SNTG1: variants seen among roughly 807,000 people sequenced by gnomAD.
SNTG1 encodes the protein gamma-1-syntrophin.
A neutral mutation model predicts 74.7 loss-of-function variants in SNTG1; 39 were observed. The observed-to-expected ratio is 0.52, with a 90% CI of 0.40 to 0.68. The LOEUF is 0.68. Among genes scored for constraint, SNTG1 ranks in the 30% least tolerant of loss-of-function variants. SNTG1 has a pLI of 0.00. For synonymous variants in SNTG1, 254 were observed against 217.1 expected (o/e 1.17, Z -1.49); for missense variants, 685 against 609.5 (o/e 1.12, Z -1.30).
At chr8:50,612,001 A>G (rs1255923704) in intron 13 of SNTG1, among the ~76,000 whole-genome samples, 3 of 152,106 alleles carry the variant, frequency 2.0e-5, no homozygotes, top group African/African-American at 7.2e-5. Context: ...CAAACGGTTC[A>G]TCTGCCTCGG....
rs183112063 is a variant in SNTG1, at chr8:49,967,716, A to G, written c.-103+55485A>G. 5.1e-3 allele frequency among the ~76,000 whole-genome samples: 771 copies of G among 152,324 alleles called. 14 individuals are homozygous for G. The highest frequency in any genetic ancestry group is 0.018 in the African/African-American group (744 of 41,576). On this transcript the variant is annotated intron_variant, in intron 1 of 18. Coordinates refer to ENST00000642720, the MANE Select transcript of SNTG1 (RefSeq NM_018967.5). ...GCTTTTTCATTTGTAGTGAGAATTG[A>G]TAAGTGTTAATTATCACTGAAAGTG...
chr8:50,273,260 T>G (rs2087889919), intron 2 of SNTG1, among the ~76,000 whole-genome samples: 2 of 152,150 alleles, frequency 1.3e-5, no homozygotes, highest in African/African-American at 2.4e-5. Context: ...AGTTTCATAC[T>G]AAGAGCCTCA....
intron 15 of SNTG1, among the ~76,000 whole-genome samples, chr8:50,670,498 C>T (rs369935888): frequency 1.7e-4 from 25 of 148,332 alleles, no homozygotes; most frequent in Non-Finnish European, 3.1e-4. Flanking sequence ...ATGTGAAGGA[C>T]CTCTTCAAGG....
intron 1 of SNTG1, among the ~76,000 whole-genome samples, chr8:50,015,925 C>G (rs1271129711): frequency 6.6e-6 from 1 of 152,080 alleles, no homozygotes; most frequent in African/African-American, 2.4e-5. Flanking sequence ...CTAATTCATT[C>G]AACTTTTGAA....
intron 1 of SNTG1, among the ~76,000 whole-genome samples, chr8:50,063,343 GTCACAATGGCAATTTACTGTCATGTA>G (rs1352250121): frequency 6.6e-6 from 1 of 152,200 alleles, no homozygotes; most frequent in African/African-American, 2.4e-5. Context: ...ATTTGTATAT[GTCACAATGGCAATTTACTGTCATGTA>G]TCTTCTATCA....
At chr8:50,150,376 AC>A (rs1704622128) in intron 1 of SNTG1, among the ~76,000 whole-genome samples, 1 of 152,062 alleles carries the variant, frequency 6.6e-6, no homozygotes, top group Non-Finnish European at 1.5e-5. Flanking sequence ...CTAATTGAAT[AC>A]CCTTTATTTC....
At chr8:50,058,766 G>A (rs1268640597) in intron 1 of SNTG1, among the ~76,000 whole-genome samples, 3 of 151,214 alleles carry the variant, frequency 2.0e-5, no homozygotes, top group Non-Finnish European at 2.9e-5. Context: ...GTGTGTGTAT[G>A]TGTGTTTAGT....
intron 17 of SNTG1, among the ~76,000 whole-genome samples, chr8:50,728,822 C>T (rs2095506114): frequency 1.3e-5 from 2 of 152,182 alleles, no homozygotes; most frequent in South Asian, 4.1e-4. Context: ...TCCTAGATCC[C>T]TGACTGGGTC....
intron 18 of SNTG1, among the ~76,000 whole-genome samples, chr8:50,763,420 T>G (rs1288677683): frequency 6.6e-6 from 1 of 151,926 alleles, no homozygotes; most frequent in Non-Finnish European, 1.5e-5. Flanking sequence ...ATTTCATTTT[T>G]TTCATCCTCT....
chr8:50,168,217 A>G (rs528314087), intron 1 of SNTG1, among the ~76,000 whole-genome samples: 1 of 152,304 alleles, frequency 6.6e-6, no homozygotes. Flanking sequence ...TTTGTGAAAA[A>G]TTATAATTCC....
At chr8:50,139,124 T>A (rs930183372) in intron 1 of SNTG1, among the ~76,000 whole-genome samples, 1 of 152,202 alleles carries the variant, frequency 6.6e-6, no homozygotes, top group African/African-American at 2.4e-5. Flanking sequence ...CATATATTTA[T>A]GTACATTTGT....
chr8:50,413,913 T>C (rs2131411154), intron 4 of SNTG1, among the ~76,000 whole-genome samples: 1 of 152,320 alleles, frequency 6.6e-6, no homozygotes, highest in South Asian at 2.1e-4. Flanking sequence ...AGTTCTATTC[T>C]ATCCTATTTT....
intron 17 of SNTG1, among the ~76,000 whole-genome samples, chr8:50,742,383 C>T (rs555085466): frequency 2.0e-4 from 31 of 151,814 alleles, no homozygotes; most frequent in African/African-American, 6.8e-4. Context: ...ACTGGACAAT[C>T]CAGAAAGAAA....
chr8:50,180,611 T>G (rs554031268), intron 2 of SNTG1, among the ~76,000 whole-genome samples: 2 of 152,288 alleles, frequency 1.3e-5, no homozygotes, highest in South Asian at 4.1e-4. Context: ...GACTTCCTAT[T>G]ATACAAAACC....
intron 1 of SNTG1, among the ~76,000 whole-genome samples, chr8:49,974,841 G>A (rs1402198991): frequency 6.6e-6 from 1 of 152,028 alleles, no homozygotes; most frequent in African/African-American, 2.4e-5. Flanking sequence ...TATATATTAT[G>A]GCATAAAAGA....
intron 1 of SNTG1, among the ~76,000 whole-genome samples, chr8:50,083,372 AT>A (rs1822586738): frequency 6.6e-6 from 1 of 152,204 alleles, no homozygotes; most frequent in African/African-American, 2.4e-5. Context: ...GACTTAGATA[AT>A]TCTTTACAAA....
intron 4 of SNTG1, among the ~76,000 whole-genome samples, chr8:50,422,325 G>C (rs986423296): frequency 5.0e-5 from 2 of 40,326 alleles, no homozygotes; most frequent in Admixed American, 8.6e-4. Context: ...TGACCAAGTA[G>C]ACAAAAAGAT....
At chr8:50,395,490 T>C (rs2092715496) in intron 3 of SNTG1, among the ~76,000 whole-genome samples, 1 of 145,636 alleles carries the variant, frequency 6.9e-6, no homozygotes. Context: ...TTTTAAATTT[T>C]AATTGTCTAA....
intron 2 of SNTG1, among the ~76,000 whole-genome samples, chr8:50,379,656 C>T (rs1170891147): frequency 6.6e-6 from 1 of 152,198 alleles, no homozygotes; most frequent in African/African-American, 2.4e-5. Flanking sequence ...CCTGCTGCTG[C>T]CAACAGTAAT....
Sources: allele counts gnomAD v4.1 joint callset (sites outside exome capture counted in the v4.1 genomes callset), GRCh38; gene constraint gnomAD v4.1.1; transcripts MANE v1.5; gene names NCBI Gene and HGNC (gene_info 2026-07-23, HGNC 2026-07-21).